DNAH2: variants seen among roughly 807,000 people sequenced by gnomAD.
DNAH2 encodes the protein dynein axonemal heavy chain 2, also known as axonemal beta dynein heavy chain 2.
In DNAH2, 323 loss-of-function variants were observed where a neutral mutation model predicts 523.5. That is an observed-to-expected ratio of 0.62 (90% confidence interval 0.56 to 0.68). The LOEUF (loss-of-function observed/expected upper bound fraction) is 0.68. DNAH2 is among the 30% of genes least tolerant of loss of function. The pLI is 0.00. For synonymous variants in DNAH2, 2,093 were observed against 2,177.4 expected, an observed-to-expected ratio of 0.96 and a Z score of 1.08; for missense variants, 4,907 against 5,701.5, an observed-to-expected ratio of 0.86 and a Z score of 4.49.
Position 7,786,035 on chromosome 17 carries a change from C to G in DNAH2, c.6130-89C>G. 1 of 1,373,688 alleles carries G rather than the reference C, an allele frequency of 7.3e-7. No individual in the cohort carries two copies. Among genetic ancestry groups the G allele is most frequent in the African/African-American group, 1.4e-5 (1 of 70,432 alleles). 85.1% of individuals were successfully genotyped at this position (1,373,688 alleles called of 1,614,324 possible). On this transcript the variant is annotated intron_variant, in intron 39 of 85. Transcript: ENST00000572933. This position sits in a 1 kb window ranked among gnomAD's most constrained non-coding sequence, Gnocchi z 7.5. ...CTGGTGCCATTTTTAACAGTTTGAA[C>G]GTATTCTCTCTGGCACCGGGGAGAT...
At position 7,777,634 on chromosome 17, in the gene DNAH2, G is replaced by T. The variant is rs188000464; in HGVS notation, c.5247G>T (p.Lys1749Asn). Residue 1749 changes from lysine (K) to asparagine (N), a missense_variant and splice_region_variant, in exon 33 of 86, where the codon AAG becomes AAT. By Grantham distance (94) the Lys-to-Asn change is moderately conservative. Transcript: ENST00000572933. ...GCCAACTTCGGTTCTACTGGGAGAA[G>T]GTGCCAGATGGGCCACCTCCCCACT... ...WLSQLRFYWE[K>N]DLDDCVIRQT... 6.2e-7 allele frequency: 1 copy of T among 1,613,874 alleles called. No homozygotes were observed. Among genetic ancestry groups the T allele is most frequent in the African/African-American group, 1.3e-5 (1 of 75,028 alleles).
At chr17:7,727,795 T>C (rs2074870464) in intron 4 of DNAH2, among the ~76,000 whole-genome samples, 1 of 149,354 alleles carries the variant, frequency 6.7e-6, no homozygotes. Context: ...TGTCCTGGTC[T>C]AGTGGGGAAG....
chr17:7,728,958 C>G (rs565293582), intron 4 of DNAH2, among the ~76,000 whole-genome samples: 1 of 151,554 alleles, frequency 6.6e-6, no homozygotes, highest in African/African-American at 2.4e-5. Context: ...GCACTCCAGC[C>G]TGGGTGACAG....
At chr17:7,728,547 T>C (rs2074893768) in intron 4 of DNAH2, among the ~76,000 whole-genome samples, 1 of 152,178 alleles carries the variant, frequency 6.6e-6, no homozygotes, top group East Asian at 1.9e-4. Context: ...TTGCAAAATA[T>C]ATTTATATTT....
In DNAH2 at chr17:7,805,281, A is replaced by C; in HGVS notation, c.9330A>C (p.Ile3110=). 1 of 1,614,212 alleles carries C rather than the reference A, an allele frequency of 6.2e-7. No individual in the cohort carries two copies. The highest frequency in any genetic ancestry group is 1.3e-5 in the African/African-American group (1 of 75,048). Residue 3110 remains isoleucine, a synonymous_variant, in exon 61 of 86, where the codon ATA becomes ATC. Transcript: ENST00000572933. ...TGGAGTCTCTGAACAAGAAGGATAT[A>C]GGAGAGATCAAGTCTTATGGACGGC... is the stretch of plus-strand genomic sequence containing the variant. ...RALESLNKKD[I]GEIKSYGRPP... is the part of the protein sequence containing the mutation.
At chr17:7,746,892 C>A (rs1476178964) in intron 12 of DNAH2, among the ~76,000 whole-genome samples, 9 of 151,544 alleles carry the variant, frequency 5.9e-5, no homozygotes, top group African/African-American at 1.7e-4. Context: ...GAGGCTGAGG[C>A]AGGAGAATCA....
At chr17:7,747,512 G>A (rs1179113245) in intron 12 of DNAH2, among the ~76,000 whole-genome samples, 1 of 152,104 alleles carries the variant, frequency 6.6e-6, no homozygotes, top group Non-Finnish European at 1.5e-5. Context: ...TCCCTCTGCA[G>A]CACTGTGTTT....
chr17:7,802,847 A>AT (rs1396369517), intron 58 of DNAH2, among the ~76,000 whole-genome samples: 1 of 118,954 alleles, frequency 8.4e-6, no homozygotes, highest in Non-Finnish European at 1.8e-5. Flanking sequence ...TTTTTTTTGT[A>AT]TTTTTAGTAG....
intron 11 of DNAH2, among the ~76,000 whole-genome samples, chr17:7,741,278 C>CTT (rs1567624599): frequency 1.8e-5 from 1 of 56,730 alleles, no homozygotes; most frequent in Non-Finnish European, 3.1e-5. Flanking sequence ...TTCTTTCTTT[C>CTT]TTTCTTTCTT....
chr17:7,770,515 A>G (rs2076285634), intron 25 of DNAH2, 42 bp from the exon 26 acceptor site: 1 of 1,613,142 alleles, frequency 6.2e-7, no homozygotes, highest in South Asian at 1.1e-5. Flanking sequence ...CCCCTTAGTG[A>G]AGAGATACCT....
At chr17:7,764,481 A>G (rs998499507) in intron 20 of DNAH2, among the ~76,000 whole-genome samples, 17 of 149,824 alleles carry the variant, frequency 1.1e-4, no homozygotes, top group Non-Finnish European at 2.2e-4. Context: ...TTTTTTTTTA[A>G]ACAGAGTCTG....
intron 29 of DNAH2, 29 bp downstream of exon 29, chr17:7,775,005 T>G: frequency 6.2e-7 from 1 of 1,607,938 alleles, no homozygotes; most frequent in Non-Finnish European, 8.5e-7. Flanking sequence ...AGTGAGATGC[T>G]GGGTGGCGAA....
intron 63 of DNAH2, among the ~76,000 whole-genome samples, chr17:7,813,822 C>T (rs1256773477): frequency 2.0e-5 from 3 of 151,440 alleles, no homozygotes; most frequent in Non-Finnish European, 1.5e-5. Flanking sequence ...GCAGGAGAAT[C>T]GCTTGAACCC....
In DNAH2 at chr17:7,734,213, T is replaced by C; in HGVS notation, c.659T>C (p.Val220Ala). 6.2e-7 allele frequency: 1 copy of C among 1,603,250 alleles called. No homozygotes were observed. The highest frequency in any genetic ancestry group is 1.1e-5 in the South Asian group (1 of 89,004). ...DTRYKLEGHT[V>A]LYIPAEAMNM... ...CGGTACAAACTGGAGGGGCACACGG[T>C]CCTCTACATCCCTGCAGAGGCCATG... The change falls in exon 6 of 86, where the codon GTC (valine) becomes GCC (alanine). Residue 220 changes from valine to alanine, a missense_variant. Coordinates refer to ENST00000572933, the MANE Select transcript of DNAH2 (RefSeq NM_020877.5).
At chr17:7,812,804 G>A (rs1159556483) in intron 63 of DNAH2, among the ~76,000 whole-genome samples, 18 of 146,098 alleles carry the variant, frequency 1.2e-4, no homozygotes, top group Non-Finnish European at 2.1e-4. Flanking sequence ...AAAGCTGGGC[G>A]TGGTGGTGGG....
At chr17:7,749,283 G>T (rs182715786) in intron 12 of DNAH2, among the ~76,000 whole-genome samples, 1 of 108,124 alleles carries the variant, frequency 9.2e-6, no homozygotes. Flanking sequence ...ACTCCAGCCT[G>T]GGCAACAAGA....
chr17:7,722,931 G>A (rs1431579700), intron 2 of DNAH2, among the ~76,000 whole-genome samples: 1 of 146,696 alleles, frequency 6.8e-6, no homozygotes, highest in Non-Finnish European at 1.5e-5. Context: ...GCTGTGTTTA[G>A]CTTTCTTTCT....
At position 7,760,075 on chromosome 17, in the gene DNAH2, A is replaced by G. The variant is rs2075962963; in HGVS notation, c.2785+137A>G. The G allele has an allele frequency of 7.4e-7, 1 of 1,346,882 alleles. No homozygotes were observed. Among genetic ancestry groups the G allele is most frequent in the Non-Finnish European group, 1.0e-6 (1 of 966,690 alleles). The allele number at this position is 1,346,882 out of a possible 1,614,324, so 83.4% of individuals were successfully genotyped here. On this transcript the variant is annotated intron_variant, in intron 17 of 85. Transcript: ENST00000572933. This position sits in a 1 kb window ranked among gnomAD's most constrained non-coding sequence, Gnocchi z 4.0. ...CCTGACCTGGGGAAAACTCAGGTCA[A>G]GGGGCCAGATCGGCTGGCACAGTGG...
intron 31 of DNAH2, among the ~76,000 whole-genome samples, chr17:7,776,414 C>G (rs957359667): frequency 6.6e-6 from 1 of 151,882 alleles, no homozygotes; most frequent in East Asian, 1.9e-4. Context: ...TGTAGTGAGC[C>G]GAGATTGTGC....
Sources: allele counts gnomAD v4.1 joint callset (sites outside exome capture counted in the v4.1 genomes callset), GRCh38; gene constraint gnomAD v4.1.1; non-coding constraint Gnocchi (gnomAD v3.1); transcripts MANE v1.5; gene names NCBI Gene and HGNC (gene_info 2026-07-23, HGNC 2026-07-21).